ZNF385D: variants seen among roughly 807,000 people sequenced by gnomAD.
ZNF385D encodes the protein zinc finger protein 385D, also known as zinc finger protein 659.
ZNF385D carries 15 observed loss-of-function variants against 35.8 expected under a neutral mutation model. The observed-to-expected ratio is 0.42, with a 90% CI of 0.28 to 0.64. The LOEUF is 0.64. Among genes scored for constraint, ZNF385D ranks in the 30% least tolerant of loss-of-function variants. The pLI, the probability that ZNF385D is intolerant of heterozygous loss-of-function variation, is 0.23. For missense variants in ZNF385D, 474 were observed against 494.6 expected (o/e 0.96, Z 0.39); for synonymous variants, 212 against 186.8 (o/e 1.13, Z -1.10).
chr3:21,733,882 C>T (rs2069125763), intron 1 of ZNF385D, among the ~76,000 whole-genome samples: 1 of 152,104 alleles, frequency 6.6e-6, no homozygotes, highest in Non-Finnish European at 1.5e-5. Flanking sequence ...TTATCATAGC[C>T]TAAATCCCCA....
intron 3 of ZNF385D, among the ~76,000 whole-genome samples, chr3:21,819,253 G>C (rs577383448): frequency 3.1e-4 from 47 of 151,832 alleles, no homozygotes; most frequent in Non-Finnish European, 5.3e-4. Flanking sequence ...TGTTAGAAAT[G>C]AATTTAACAT....
intron 1 of ZNF385D, among the ~76,000 whole-genome samples, chr3:21,676,217 G>A (rs1468515251): frequency 6.6e-6 from 1 of 152,036 alleles, no homozygotes; most frequent in African/African-American, 2.4e-5. Context: ...TAGGAACTGT[G>A]AGTTCTTGGA....
In ZNF385D at chr3:21,418,041, G is replaced by C. The variant is rs937214463; in HGVS notation, c.*3173C>G. On this transcript the variant is annotated 3_prime_UTR_variant, in exon 8 of 8. Transcript: ENST00000281523. ...TGTGTAATTGCCTGTTTTCTCATAA[G>C]AGAAATACAGTACCTCCCCAATGAC... 13 of 152,140 alleles carry C rather than the reference G, an allele frequency of 8.5e-5. No homozygotes were observed. Among genetic ancestry groups the C allele is most frequent in the African/African-American group, 3.1e-4 (13 of 41,442 alleles). 9.4% of individuals were successfully genotyped at this position (152,140 alleles called of 1,614,324 possible).
chr3:22,166,457 A>C (rs1706336049), intron 3 of ZNF385D, among the ~76,000 whole-genome samples: 2 of 152,222 alleles, frequency 1.3e-5, no homozygotes, highest in Non-Finnish European at 2.9e-5. Flanking sequence ...TACTTAAGTG[A>C]GTAAGACCAG....
At chr3:22,070,999 T>C (rs1372350894) in intron 3 of ZNF385D, among the ~76,000 whole-genome samples, 1 of 152,096 alleles carries the variant, frequency 6.6e-6, no homozygotes, top group African/African-American at 2.4e-5. Context: ...AATTGAAAGA[T>C]TTTTACCTGT....
intron 2 of ZNF385D, among the ~76,000 whole-genome samples, chr3:22,196,286 T>G (rs1471560757): frequency 1.3e-5 from 2 of 152,096 alleles, no homozygotes. Flanking sequence ...ATACCGACTT[T>G]GTTTTGTTCA....
intron 2 of ZNF385D, among the ~76,000 whole-genome samples, chr3:22,254,502 C>A (rs946709423): frequency 1.3e-5 from 2 of 151,740 alleles, no homozygotes; most frequent in African/African-American, 4.8e-5. Flanking sequence ...TATTTCTTTA[C>A]ACATTTCATT....
chr3:21,964,017 T>C (rs1702741715), intron 3 of ZNF385D, among the ~76,000 whole-genome samples: 1 of 152,158 alleles, frequency 6.6e-6, no homozygotes, highest in Non-Finnish European at 1.5e-5. Flanking sequence ...ACATTAAATA[T>C]TCATTTAATT....
intron 2 of ZNF385D, among the ~76,000 whole-genome samples, chr3:22,251,373 AAAAC>A (rs1053892725): frequency 1.4e-4 from 22 of 152,264 alleles, no homozygotes; most frequent in African/African-American, 4.3e-4. Flanking sequence ...TCTTCCACAA[AAAAC>A]AAACAAACAA....
intron 3 of ZNF385D, among the ~76,000 whole-genome samples, chr3:22,143,017 TAA>T (rs112706471): frequency 7.5e-6 from 1 of 132,658 alleles, no homozygotes; most frequent in African/African-American, 3.3e-5. Context: ...ACAATAATAA[TAA>T]AAAAAAAAGA....
intron 3 of ZNF385D, among the ~76,000 whole-genome samples, chr3:22,164,368 A>G (rs1288258717): frequency 6.6e-6 from 1 of 151,630 alleles, no homozygotes; most frequent in African/African-American, 2.4e-5. Context: ...AGCTGGGACT[A>G]CAGGCATGCG....
chr3:21,902,967 C>T (rs1699486153), intron 3 of ZNF385D, among the ~76,000 whole-genome samples: 2 of 152,190 alleles, frequency 1.3e-5, no homozygotes, highest in South Asian at 4.2e-4. Context: ...TCAATACAGA[C>T]CTGTTTCTGT....
chr3:21,913,327 T>C (rs191508221), intron 3 of ZNF385D, among the ~76,000 whole-genome samples: 49 of 152,236 alleles, frequency 3.2e-4, no homozygotes, highest in African/African-American at 1.1e-3. Flanking sequence ...CACATAAAAC[T>C]ATTTTCTCAG....
chr3:21,610,064 T>A (rs958708390), intron 2 of ZNF385D, among the ~76,000 whole-genome samples: 2 of 152,186 alleles, frequency 1.3e-5, no homozygotes, highest in Non-Finnish European at 2.9e-5. Flanking sequence ...TGTTATTACT[T>A]TCTTTAAATA....
chr3:21,607,480 T>C (rs17009135), intron 2 of ZNF385D, among the ~76,000 whole-genome samples: 46,758 of 150,798 alleles, frequency 0.31, 7,450 homozygotes, highest in East Asian at 0.41. Flanking sequence ...TACTGCTCTA[T>C]CATTATCATT....
In ZNF385D at chr3:21,602,512, A is replaced by ATTTTTTTTTTTTT. The variant is rs199882061; in HGVS notation, c.166-37829_166-37828insAAAAAAAAAAAAA. The stretch of plus-strand genomic sequence containing the variant: ...GAATTTAGGTCTCCTGTTTCCCTGC[A>ATTTTTTTTTTTTT]TTTTCTTTTTTTTTTTTTTTTTTTT... On this transcript the variant is annotated intron_variant, in intron 2 of 7. Transcript: ENST00000281523. Among the ~76,000 whole-genome samples the ATTTTTTTTTTTTT allele has an allele frequency of 2.1e-4, 19 of 90,192 alleles. 2 individuals are homozygous for ATTTTTTTTTTTTT. The highest frequency in any genetic ancestry group is 3.7e-4 in the East Asian group (1 of 2,718). The allele number at this position is 90,192 out of a possible 152,430, so 59.2% of individuals were successfully genotyped here.
At chr3:21,522,941 T>C (rs898229379) in intron 3 of ZNF385D, among the ~76,000 whole-genome samples, 1 of 152,174 alleles carries the variant, frequency 6.6e-6, no homozygotes, top group East Asian at 1.9e-4. Context: ...ACCGGTAGTA[T>C]TTAGTTGTCC....
intron 3 of ZNF385D, among the ~76,000 whole-genome samples, chr3:22,033,180 T>C (rs111609904): frequency 2.0e-5 from 3 of 152,010 alleles, no homozygotes; most frequent in Admixed American, 6.6e-5. Flanking sequence ...GGCAGGTCGA[T>C]AGCTTGAGCT....
chr3:21,623,980 G>A (rs2065071238), intron 2 of ZNF385D, among the ~76,000 whole-genome samples: 1 of 152,058 alleles, frequency 6.6e-6, no homozygotes, highest in African/African-American at 2.4e-5. Context: ...GAAAGGGAAT[G>A]GCTTTATGAC....
Sources: allele counts gnomAD v4.1 joint callset (sites outside exome capture counted in the v4.1 genomes callset), GRCh38; gene constraint gnomAD v4.1.1; transcripts MANE v1.5; gene names NCBI Gene and HGNC (gene_info 2026-07-23, HGNC 2026-07-21).